Variants in RBM38 observed in about 807,000 individuals in gnomAD.
RBM38 encodes the protein RNA-binding protein 38.
In RBM38, 11 loss-of-function variants were observed where a neutral mutation model predicts 23.5. The observed-to-expected ratio is 0.47, with a 90% confidence interval of 0.29 to 0.77. The LOEUF (loss-of-function observed/expected upper bound fraction) is 0.77, where lower values mean the gene tolerates loss of function less well. Among genes scored for constraint, RBM38 ranks in the 30% least tolerant of loss-of-function variants. RBM38 has a pLI of 0.08. For missense variants in RBM38, 330 were observed against 351.9 expected, an observed-to-expected ratio of 0.94 and a Z score of 0.50; for synonymous variants, 165 against 166.1, an observed-to-expected ratio of 0.99 and a Z score of 0.05.
chr20:57,391,739 A>C lies in RBM38; in HGVS notation c.158A>C (p.Tyr53Ser), dbSNP rs545770440. 3 of 1,566,422 alleles carry C rather than the reference A, an allele frequency of 1.9e-6. No individual in the cohort carries two copies. Among genetic ancestry groups the C allele is most frequent in the African/African-American group, 1.4e-5 (1 of 72,096 alleles). Residue 53 changes from tyrosine to serine, a missense_variant, in exon 1 of 4, where the codon TAC becomes TCC. Physicochemically the swap from Tyr to Ser is moderately radical, Grantham distance 144 (BLOSUM62 -2). This residue lies in a region of RBM38 where 95 missense variants were observed against 111.9 expected (regional missense o/e 0.85). Coordinates refer to ENST00000356208, the MANE Select transcript of RBM38 (RefSeq NM_017495.6). ...ACTACCGACGCCTCGCTCAGGAAGT[A>C]CTTCGAGGGCTTCGGCGACATCGAG... ...YHTTDASLRK[Y>S]FEGFGDIEEA...
intron 3 of RBM38, among the ~76,000 whole-genome samples, chr20:57,401,938 G>T (rs1001160160): frequency 6.6e-6 from 1 of 152,044 alleles, no homozygotes; most frequent in Non-Finnish European, 1.5e-5. Context: ...AGGTGATGGG[G>T]TGTTGATGTT....
chr20:57,400,934 C>T (rs150947001), intron 3 of RBM38, among the ~76,000 whole-genome samples: 4 of 152,136 alleles, frequency 2.6e-5, no homozygotes, highest in African/African-American at 7.2e-5. Context: ...ACTCCAGCAG[C>T]GGCCGTACAG....
intron 3 of RBM38, among the ~76,000 whole-genome samples, chr20:57,397,921 G>A (rs550886456): frequency 3.9e-5 from 6 of 152,220 alleles, no homozygotes; most frequent in East Asian, 1.9e-4. Context: ...GAACAGTTCC[G>A]CGTCTCGAGT....
intron 3 of RBM38, among the ~76,000 whole-genome samples, chr20:57,395,116 A>C (rs1160044793): frequency 6.6e-6 from 1 of 152,242 alleles, no homozygotes; most frequent in Non-Finnish European, 1.5e-5. Flanking sequence ...TGGCCTCCTC[A>C]GAAGTCCTCT....
intron 2 of RBM38, 185 bp from the exon 3 acceptor site, chr20:57,393,094 A>G: frequency 4.5e-6 from 3 of 663,758 alleles, no homozygotes; most frequent in South Asian, 3.5e-5. Flanking sequence ...CACCTGCGTC[A>G]CTCACTGCCA....
intron 3 of RBM38, among the ~76,000 whole-genome samples, chr20:57,394,594 G>T (rs749413591): frequency 6.6e-6 from 1 of 152,164 alleles, no homozygotes; most frequent in African/African-American, 2.4e-5. Context: ...GGAAGGGAGC[G>T]TGTAGGGTGG....
chr20:57,404,858 G>T (rs1446627375), intron 3 of RBM38, among the ~76,000 whole-genome samples: 8 of 152,252 alleles, frequency 5.3e-5, no homozygotes, highest in Admixed American at 4.6e-4. Context: ...GGCCCAGGTG[G>T]GGAGGATGCG....
intron 3 of RBM38, among the ~76,000 whole-genome samples, chr20:57,396,368 G>A (rs1274362191): frequency 1.3e-5 from 2 of 152,220 alleles, no homozygotes; most frequent in East Asian, 1.9e-4. Context: ...GTCACCTGCC[G>A]GTGGGAGGGG....
chr20:57,394,446 G>A (rs1360790293), intron 3 of RBM38, among the ~76,000 whole-genome samples: 3 of 152,166 alleles, frequency 2.0e-5, no homozygotes, highest in Non-Finnish European at 4.4e-5. Context: ...CGGCTTCCGT[G>A]TGTATTGGTG....
At position 57,392,650 on chromosome 20, in the gene RBM38, C is replaced by G. The variant is rs2067232280; in HGVS notation, c.238-4C>G. Reference sequence around the variant, plus strand: ...CAGCCCCTGATGTGTCTCTGCTCCACCAGGTGACCATGGCCGACCGGGCGG... The same window carrying G: ...CAGCCCCTGATGTGTCTCTGCTCCAGCAGGTGACCATGGCCGACCGGGCGG... On this transcript the variant is annotated splice_polypyrimidine_tract_variant and splice_region_variant and intron_variant, in intron 1 of 3. Coordinates refer to ENST00000356208, the MANE Select transcript of RBM38 (RefSeq NM_017495.6). 1 of 1,610,926 alleles carries G rather than the reference C, an allele frequency of 6.2e-7. No individual in the cohort carries two copies. Among genetic ancestry groups the G allele is most frequent in the Admixed American group, 1.7e-5 (1 of 59,686 alleles).
At chr20:57,405,371 C>T (rs1376351905) in intron 3 of RBM38, among the ~76,000 whole-genome samples, 1 of 152,206 alleles carries the variant, frequency 6.6e-6, no homozygotes, top group Non-Finnish European at 1.5e-5. Flanking sequence ...CCGCGCGAGG[C>T]CCTTGTTCCC....
At chr20:57,403,912 G>A (rs779608141) in intron 3 of RBM38, among the ~76,000 whole-genome samples, 4 of 152,202 alleles carry the variant, frequency 2.6e-5, no homozygotes, top group Admixed American at 6.5e-5. Flanking sequence ...GAGCCACTGC[G>A]CCCAGCCTTC....
At chr20:57,398,066 A>G (rs1412758616) in intron 3 of RBM38, among the ~76,000 whole-genome samples, 1 of 152,194 alleles carries the variant, frequency 6.6e-6, no homozygotes, top group African/African-American at 2.4e-5. Flanking sequence ...AGGTCATAGC[A>G]GTGTGCCTGG....
At position 57,407,287 on chromosome 20, in the gene RBM38, C is replaced by T. The variant is rs181817595; in HGVS notation, c.417-256C>T. On this transcript the variant is annotated intron_variant, in intron 3 of 3. Coordinates refer to ENST00000356208, the MANE Select transcript of RBM38 (RefSeq NM_017495.6). This position sits in a 1 kb window ranked among gnomAD's most constrained non-coding sequence, Gnocchi z 4.0. The stretch of plus-strand genomic sequence containing the variant: ...GGATGTGGGGTGTAGGGCTGGGATG[C>T]GGGGGTGCAGTCTGGGAAGGCCTTG... Among the ~76,000 whole-genome samples, 9 of 152,126 alleles carry T rather than the reference C, an allele frequency of 5.9e-5. No homozygotes were observed. Among genetic ancestry groups the T allele is most frequent in the African/African-American group, 1.9e-4 (8 of 41,512 alleles).
chr20:57,405,003 T>A (rs907634830), intron 3 of RBM38, among the ~76,000 whole-genome samples: 4 of 152,186 alleles, frequency 2.6e-5, no homozygotes, highest in African/African-American at 4.8e-5. Flanking sequence ...GGCTGCCGGC[T>A]GCCCTCATCC....
intron 3 of RBM38, among the ~76,000 whole-genome samples, chr20:57,403,186 T>G (rs2067346708): frequency 1.3e-5 from 2 of 152,250 alleles, no homozygotes; most frequent in Non-Finnish European, 2.9e-5. Context: ...TGGGAATCGC[T>G]GTTCTAGTGG....
Position 57,392,586 on chromosome 20 carries a change from G to A in RBM38, c.238-68G>A, listed in dbSNP as rs562501126. On this transcript the variant is annotated intron_variant, in intron 1 of 3. Transcript: ENST00000356208. ...GGGTGGCAGCATCCGGTGCCAGGGCGGAGCCGTCTGCCCCTTTCGCCCCTG... is the reference window on the plus strand; with the variant it reads ...GGGTGGCAGCATCCGGTGCCAGGGCAGAGCCGTCTGCCCCTTTCGCCCCTG... The A allele has an allele frequency of 5.8e-5, 89 of 1,540,458 alleles. No homozygotes were observed. In the African/African-American group the frequency reaches 8.1e-4, roughly 14 times the overall value.
At chr20:57,399,965 C>G (rs114324431) in intron 3 of RBM38, 4 of 456,302 alleles carry the variant, frequency 8.8e-6, no homozygotes, top group East Asian at 6.9e-5. Flanking sequence ...CCTCCTGGGC[C>G]GTGGTCAGTT....
chr20:57,393,438 C>A, intron 3 of RBM38, 105 bp downstream of exon 3: 1 of 1,243,322 alleles, frequency 8.0e-7, no homozygotes, highest in Non-Finnish European at 1.2e-6. Flanking sequence ...AGTTTTCAGA[C>A]ATTTGATTGC....
Sources: allele counts gnomAD v4.1 joint callset (sites outside exome capture counted in the v4.1 genomes callset), GRCh38; gene constraint gnomAD v4.1.1; regional missense constraint gnomAD v4.1.1; non-coding constraint Gnocchi (gnomAD v3.1); transcripts MANE v1.5; gene names NCBI Gene and HGNC (gene_info 2026-07-23, HGNC 2026-07-21).